The following STAU2 variants were observed in gnomAD, a reference collection of about 807,000 sequenced individuals.
STAU2 encodes the protein staufen double-stranded RNA binding protein 2, also known as double-stranded RNA-binding protein Staufen homolog 2.
In STAU2, 20 loss-of-function variants were observed where a neutral mutation model predicts 65.9. That is an observed-to-expected ratio of 0.30 (90% CI 0.21 to 0.44). STAU2 has a LOEUF of 0.44. STAU2 is among the 20% of genes least tolerant of loss of function. STAU2 has a pLI of 1.00. For missense variants in STAU2, 558 were observed against 683.9 expected, an observed-to-expected ratio of 0.82 and a Z score of 2.05; for synonymous variants, 232 against 233.9, an observed-to-expected ratio of 0.99 and a Z score of 0.07.
chr8:73,668,185 A>C (rs1174091119), intron 6 of STAU2, among the ~76,000 whole-genome samples: 1 of 152,224 alleles, frequency 6.6e-6, no homozygotes, highest in Non-Finnish European at 1.5e-5. Context: ...TCTACAGACT[A>C]TACAGTGTAT....
intron 13 of STAU2, among the ~76,000 whole-genome samples, chr8:73,486,629 A>G (rs1248797123): frequency 6.9e-6 from 1 of 144,042 alleles, no homozygotes; most frequent in Non-Finnish European, 1.5e-5. Context: ...ATATATATAC[A>G]CATTTATAAG....
At chr8:73,710,376 C>CTTT (rs11389924) in intron 3 of STAU2, among the ~76,000 whole-genome samples, 1 of 133,654 alleles carries the variant, frequency 7.5e-6, no homozygotes, top group Non-Finnish European at 1.6e-5. Flanking sequence ...GGCTTCTATC[C>CTTT]TTTTTTTTTT....
chr8:73,710,587 T>C (rs1471326250), intron 3 of STAU2, among the ~76,000 whole-genome samples: 1 of 152,106 alleles, frequency 6.6e-6, no homozygotes, highest in African/African-American at 2.4e-5. Flanking sequence ...TGTAAATGTA[T>C]GATATGGTTT....
intron 6 of STAU2, among the ~76,000 whole-genome samples, chr8:73,662,029 T>C (rs1407519972): frequency 1.3e-5 from 2 of 152,226 alleles, no homozygotes; most frequent in South Asian, 2.1e-4. Flanking sequence ...AAGGTGCCTG[T>C]ACCATTTTAT....
chr8:73,627,231 G>GGGGGGGGGGGGGGGGGGGGC (rs1563467173), intron 6 of STAU2, among the ~76,000 whole-genome samples: 1 of 27,234 alleles, frequency 3.7e-5, no homozygotes, highest in Non-Finnish European at 9.2e-5. Flanking sequence ...GGAGGGGGGG[G>GGGGGGGGGGGGGGGGGGGGC]CAGGAGGGCG....
intron 13 of STAU2, among the ~76,000 whole-genome samples, chr8:73,502,059 GA>G (rs1389944373): frequency 6.6e-6 from 1 of 151,834 alleles, no homozygotes; most frequent in Non-Finnish European, 1.5e-5. Flanking sequence ...CTAATTTGTG[GA>G]AAACATTTTC....
chr8:73,669,010 T>C lies in STAU2; in HGVS notation c.410+4097A>G, dbSNP rs1163745669. The C allele has an allele frequency of 2.9e-6, 2 of 699,056 alleles. 1 individual carries two copies. The highest frequency in any genetic ancestry group is 3.0e-5 in the South Asian group (2 of 66,864). The allele number at this position is 699,056 out of a possible 1,614,324, so 43.3% of individuals were successfully genotyped here. A position where few individuals can be genotyped will look rare whatever the true frequency, so the allele number is the denominator to read the frequency against. ...TTCTTGGACTTCACCTTTCATTCCC[T>C]GCCTTAAGAAGCTAATGATTAATCT... On this transcript the variant is annotated intron_variant, in intron 6 of 14. Coordinates refer to ENST00000524300, the MANE Select transcript of STAU2 (RefSeq NM_001164380.2).
chr8:73,552,489 GAAT>G (rs1807408942), intron 12 of STAU2, among the ~76,000 whole-genome samples, 170 bp from the exon 13 acceptor site: 1 of 152,100 alleles, frequency 6.6e-6, no homozygotes, highest in Admixed American at 6.6e-5. Context: ...ATTGAAAGGT[GAAT>G]AATGTCTATT....
At chr8:73,496,526 T>C (rs1024774329) in intron 13 of STAU2, among the ~76,000 whole-genome samples, 3 of 151,644 alleles carry the variant, frequency 2.0e-5, no homozygotes, top group Admixed American at 1.3e-4. Flanking sequence ...TCCCTTTACT[T>C]CTTTGGGCTT....
chr8:73,744,100 T>C (rs1479007491), intron 1 of STAU2, among the ~76,000 whole-genome samples: 3 of 152,102 alleles, frequency 2.0e-5, no homozygotes, highest in African/African-American at 7.2e-5. Context: ...ATCAGCTTGG[T>C]GAAAAATAAA....
At chr8:73,572,262 C>T (rs1809159273) in intron 12 of STAU2, among the ~76,000 whole-genome samples, 1 of 152,024 alleles carries the variant, frequency 6.6e-6, no homozygotes, top group African/African-American at 2.4e-5. Flanking sequence ...TAATTAACAG[C>T]TACCAATCAA....
At chr8:73,545,798 C>T (rs1256188146) in intron 13 of STAU2, among the ~76,000 whole-genome samples, 1 of 152,096 alleles carries the variant, frequency 6.6e-6, no homozygotes, top group Non-Finnish European at 1.5e-5. Flanking sequence ...CAGGCGCCCG[C>T]CACCATGCCT....
chr8:73,636,278 G>T (rs1814505724), intron 6 of STAU2, among the ~76,000 whole-genome samples: 1 of 152,092 alleles, frequency 6.6e-6, no homozygotes, highest in East Asian at 1.9e-4. Context: ...TCAGGAGGCG[G>T]AGGTGGGGGG....
intron 3 of STAU2, among the ~76,000 whole-genome samples, chr8:73,726,374 A>G (rs991330006): frequency 6.6e-6 from 1 of 152,214 alleles, no homozygotes; most frequent in Admixed American, 6.5e-5. Flanking sequence ...AGAAATCACC[A>G]CTAAAGAACT....
chr8:73,687,941 C>T (rs1231378231), intron 5 of STAU2, among the ~76,000 whole-genome samples: 1 of 150,706 alleles, frequency 6.6e-6, no homozygotes. Flanking sequence ...GTCTCAATCT[C>T]CTGACCTCGT....
chr8:73,654,755 C>T (rs1288113743), intron 6 of STAU2, among the ~76,000 whole-genome samples: 1 of 125,064 alleles, frequency 8.0e-6, no homozygotes, highest in African/African-American at 3.0e-5. Flanking sequence ...GGCACGATCT[C>T]GACTCACTGC....
At chr8:73,665,026 T>C (rs1469283206) in intron 6 of STAU2, among the ~76,000 whole-genome samples, 1 of 152,128 alleles carries the variant, frequency 6.6e-6, no homozygotes, top group African/African-American at 2.4e-5. Context: ...TCTGTGACCA[T>C]GGGGGATACT....
At chr8:73,532,661 G>T (rs1805896446) in intron 13 of STAU2, among the ~76,000 whole-genome samples, 1 of 152,034 alleles carries the variant, frequency 6.6e-6, no homozygotes, top group African/African-American at 2.4e-5. Flanking sequence ...TGAGAGTCTG[G>T]CAACTTTAAG....
At chr8:73,686,703 C>T (rs927534746) in intron 5 of STAU2, among the ~76,000 whole-genome samples, 4 of 150,946 alleles carry the variant, frequency 2.6e-5, no homozygotes, top group Non-Finnish European at 4.4e-5. Context: ...TCAATGTAAC[C>T]GAATACCACC....
Sources: gnomAD v4.1 joint callset for allele counts (sites outside exome capture counted in the v4.1 genomes callset) on GRCh38, gnomAD v4.1.1 for gene constraint, MANE v1.5 for transcripts, NCBI Gene and HGNC (gene_info 2026-07-23, HGNC 2026-07-21) for gene names.